The following IL4R variants were observed in gnomAD, a reference collection of about 807,000 sequenced individuals.
The protein encoded by IL4R is interleukin 4 receptor, also known as interleukin-4 receptor subunit alpha.
A neutral mutation model predicts 41.5 loss-of-function variants in IL4R; 17 were observed. That is an observed-to-expected ratio of 0.41 (90% CI 0.28 to 0.61). The LOEUF is 0.61. Ranked by LOEUF, IL4R falls within the 20% of genes least tolerant of loss-of-function variation. IL4R has a pLI of 0.31. For missense variants in IL4R, 974 were observed against 1,043.1 expected, an observed-to-expected ratio of 0.93 and a Z score of 0.91; for synonymous variants, 402 against 422.9, an observed-to-expected ratio of 0.95 and a Z score of 0.61.
At position 27,364,199 on chromosome 16, in the gene IL4R, TGCCCACCAGATCATGGCCCACGTGGAG is replaced by T. The variant is rs745529283; in HGVS notation, c.*377_*403del. The T allele has an allele frequency of 8.4e-4, 166 of 197,346 alleles. No homozygotes were observed. The highest frequency in any genetic ancestry group is 7.7e-3 in the Middle Eastern group (4 of 518). 12.2% of individuals were successfully genotyped at this position (197,346 alleles called of 1,614,324 possible). A position where few individuals can be genotyped will look rare whatever the true frequency, so the allele number is the denominator to read the frequency against. The stretch of plus-strand genomic sequence containing the variant: ...TGTTGTAACTGCCCAAGGCATGTTT[TGCCCACCAGATCATGGCCCACGTGGAG>T]GCCCACCTGCCTCTGTCTCACTGAA... On this transcript the variant is annotated 3_prime_UTR_variant, in exon 11 of 11. Transcript: ENST00000395762.
At chr16:27,326,422 G>A (rs1054966831) in intron 1 of IL4R, among the ~76,000 whole-genome samples, 1 of 152,074 alleles carries the variant, frequency 6.6e-6, no homozygotes, top group African/African-American at 2.4e-5. Context: ...TTTGCTTGAG[G>A]CCAGGAGTTT....
chr16:27,313,874 G>T, upstream of IL4R: 2 of 976,086 alleles, frequency 2.0e-6, no homozygotes, highest in Non-Finnish European at 2.4e-6. Context: ...AATCTGCCGG[G>T]CGCCGGGGCG....
At chr16:27,351,053 C>T (rs1434395732) in intron 6 of IL4R, among the ~76,000 whole-genome samples, 1 of 152,160 alleles carries the variant, frequency 6.6e-6, no homozygotes, top group Non-Finnish European at 1.5e-5. Flanking sequence ...ATAGCTTAGC[C>T]AGGTTCTCTG....
intron 7 of IL4R, among the ~76,000 whole-genome samples, chr16:27,353,456 C>G (rs1288271652): frequency 6.6e-6 from 1 of 152,110 alleles, no homozygotes; most frequent in Non-Finnish European, 1.5e-5. Context: ...TTATTAAGAT[C>G]TATAAATAAT....
chr16:27,361,057 TAAC>T, intron 10 of IL4R: 5 of 1,406,512 alleles, frequency 3.6e-6, no homozygotes, highest in Non-Finnish European at 4.6e-6. Context: ...CTGTTATAGT[TAAC>T]AACCAGAGCA....
intron 6 of IL4R, among the ~76,000 whole-genome samples, chr16:27,349,327 T>C (rs2085782561): frequency 6.6e-6 from 1 of 152,208 alleles, no homozygotes; most frequent in African/African-American, 2.4e-5. Flanking sequence ...CTGTGGCTCA[T>C]ACTGAGTGGG....
intron 3 of IL4R, chr16:27,341,159 G>A (rs764682844): frequency 1.4e-5 from 10 of 693,322 alleles, no homozygotes; most frequent in Admixed American, 4.0e-5. Context: ...GAGAGGCTCC[G>A]GATCCCTCTG....
chr16:27,362,761 G>T lies in IL4R; in HGVS notation c.1409G>T (p.Ser470Ile). Residue 470 changes from serine (S) to isoleucine (I), a missense_variant, in exon 11 of 11, where the codon AGT (serine) becomes ATT (isoleucine). By Grantham distance (142) the Ser-to-Ile change is moderately radical. This residue lies in a region of IL4R where 682 missense variants were observed against 704.3 expected (regional missense o/e 0.97). Transcript: ENST00000395762. ...GAGCAGCCTCTCCACCTGGAGCCAA[G>T]TCCTCCTGCCAGCCCGACCCAGAGT... ...GKEQPLHLEP[S>I]PPASPTQSPD... The T allele has an allele frequency of 6.2e-7, 1 of 1,614,090 alleles. No individual in the cohort carries two copies. Among genetic ancestry groups the T allele is most frequent in the Non-Finnish European group, 8.5e-7 (1 of 1,180,016 alleles).
Position 27,344,917 on chromosome 16 carries a change from C to T in IL4R, c.258C>T (p.Cys86=), listed in dbSNP as rs372171065. ...PENNGGAGCV[C]HLLMDDVVSA... ...ACAACGGAGGCGCGGGGTGCGTGTG[C>T]CACCTGCTCATGGATGACGTGGTCA... The change falls in exon 5 of 11, where the codon TGC becomes TGT. Residue 86 remains cysteine (C), a synonymous_variant. Coordinates refer to ENST00000395762, the MANE Select transcript of IL4R (RefSeq NM_000418.4). 6.2e-7 allele frequency: 1 copy of T among 1,614,164 alleles called. No individual in the cohort carries two copies. Among genetic ancestry groups the T allele is most frequent in the Non-Finnish European group, 8.5e-7 (1 of 1,180,016 alleles).
At chr16:27,325,957 C>T (rs184107517) in intron 1 of IL4R, among the ~76,000 whole-genome samples, 76 of 152,276 alleles carry the variant, frequency 5.0e-4, no homozygotes, top group Admixed American at 1.8e-3. Context: ...TCATTCTTGA[C>T]TCCTATTAGC....
chr16:27,355,530 A>G, intron 7 of IL4R: 1 of 407,022 alleles, frequency 2.5e-6, no homozygotes, highest in Non-Finnish European at 4.6e-6. Context: ...AAGTTGGTGC[A>G]TTTGACTTCT....
At chr16:27,352,209 CACTT>C (rs1161329616) in intron 6 of IL4R, among the ~76,000 whole-genome samples, 1 of 152,200 alleles carries the variant, frequency 6.6e-6, no homozygotes, top group African/African-American at 2.4e-5. Context: ...GAGGTTATGT[CACTT>C]ACTTAAGGTC....
chr16:27,332,376 C>A (rs1313101107), intron 2 of IL4R, among the ~76,000 whole-genome samples: 2 of 151,958 alleles, frequency 1.3e-5, no homozygotes, highest in Non-Finnish European at 2.9e-5. Context: ...ACCATCAGAT[C>A]TCAGGAGAAC....
At chr16:27,359,963 G>A (rs980329806) in intron 9 of IL4R, 10 of 398,446 alleles carry the variant, frequency 2.5e-5, no homozygotes, top group Non-Finnish European at 4.7e-5. Context: ...GGGCAGATCT[G>A]AATTGAGCTG....
chr16:27,334,571 G>T (rs1446091519), intron 2 of IL4R, among the ~76,000 whole-genome samples: 1 of 152,084 alleles, frequency 6.6e-6, no homozygotes, highest in African/African-American at 2.4e-5. Context: ...TTGGACAGGC[G>T]TCTTGGCCTC....
Position 27,345,389 on chromosome 16 carries a change from A to C in IL4R, c.361+369A>C, listed in dbSNP as rs1389210261. On this transcript the variant is annotated intron_variant, in intron 5 of 10. Transcript: ENST00000395762. The surrounding 1 kb of genome is among the most constrained non-coding windows in gnomAD (Gnocchi z 4.5). ...CACTGGTCAGCTGCTGCGGCTTTGG[A>C]TGGTCTTGACCGTGGAAGGCTGACC... 5.3e-6 allele frequency: 2 copies of C among 380,738 alleles called. No individual in the cohort carries two copies. The highest frequency in any genetic ancestry group is 4.2e-5 in the African/African-American group (2 of 47,770). The allele number at this position is 380,738 out of a possible 1,614,324, so 23.6% of individuals were successfully genotyped here.
At chr16:27,361,770 A>C (rs1285605848) in intron 10 of IL4R, among the ~76,000 whole-genome samples, 1 of 150,972 alleles carries the variant, frequency 6.6e-6, no homozygotes, top group Non-Finnish European at 1.5e-5. Context: ...ATGCCCAGCT[A>C]ATTTTCCTTT....
At position 27,363,018 on chromosome 16, in the gene IL4R, C is replaced by T. The variant is rs911092896; in HGVS notation, c.1666C>T (p.Arg556Ter). The T allele has an allele frequency of 3.7e-6, 6 of 1,614,008 alleles. No homozygotes were observed. The highest frequency in any genetic ancestry group is 3.4e-6 in the Non-Finnish European group (4 of 1,180,032). Residue 556 changes from arginine to a stop codon, truncating the protein, a stop_gained, in exon 11 of 11, where the codon CGA becomes TGA. Coordinates refer to ENST00000395762, the MANE Select transcript of IL4R (RefSeq NM_000418.4). LOFTEE classifies it low-confidence loss of function (END_TRUNC). The stretch of plus-strand genomic sequence containing the variant: ...AGAAACCTGGGAGCAGATCCTCCGC[C>T]GAAATGTCCTCCAGCATGGGGCAGC... ...EPETWEQILRRNVLQHGAAAA... is the reference protein window; with the variant it reads ...EPETWEQILR
At chr16:27,348,005 C>T (rs1365049986) in intron 6 of IL4R, among the ~76,000 whole-genome samples, 1 of 152,170 alleles carries the variant, frequency 6.6e-6, no homozygotes, top group Non-Finnish European at 1.5e-5. Context: ...GTCATTTGTT[C>T]CTTGAGGTTT....
Sources: gnomAD v4.1 joint callset for allele counts (sites outside exome capture counted in the v4.1 genomes callset) on GRCh38, gnomAD v4.1.1 for gene constraint, gnomAD v4.1.1 regional missense constraint, Gnocchi (gnomAD v3.1) non-coding constraint, MANE v1.5 for transcripts, NCBI Gene and HGNC (gene_info 2026-07-23, HGNC 2026-07-21) for gene names.